Variants in SIN3A observed in about 807,000 individuals in gnomAD.
SIN3A encodes the protein SIN3 transcription regulator family member A.
In SIN3A, 14 loss-of-function variants were observed where a neutral mutation model predicts 146.1. The observed-to-expected ratio is 0.10, with a 90% confidence interval of 0.06 to 0.15. The LOEUF (loss-of-function observed/expected upper bound fraction) is 0.15. Among genes scored for constraint, SIN3A ranks in the 10% least tolerant of loss-of-function variants. The probability of loss-of-function intolerance (pLI) is 1.00; values close to 1 mark genes in which losing one functional copy is unlikely to be tolerated. For synonymous variants in SIN3A, 572 were observed against 572.0 expected (o/e 1.00, Z 0.00); for missense variants, 1,028 against 1,576.0 (o/e 0.65, Z 5.89).
In SIN3A at chr15:75,400,760, C is replaced by T. The variant is rs184321576; in HGVS notation, c.1707G>A (p.Lys569=). The change falls in exon 11 of 21, where the codon AAG becomes AAA. Residue 569 remains lysine (K), a synonymous_variant. Coordinates refer to ENST00000394947, the MANE Select transcript of SIN3A (RefSeq NM_001145358.2). The part of the protein sequence containing the change: ...RALPKSYQQP[K]CTGRTPLCKE... ...TACAGAGAGGAGTCCGTCCTGTACA[C>T]TTGGGCTGCTGGTAACTCTTTGGTA... 3.3e-5 allele frequency: 54 copies of T among 1,614,048 alleles called. 1 individual carries two copies. In the East Asian group the frequency reaches 8.0e-4, roughly 24 times the overall value.
At chr15:75,383,271 T>TAA (rs79340346) in intron 17 of SIN3A, among the ~76,000 whole-genome samples, 58 of 129,146 alleles carry the variant, frequency 4.5e-4, no homozygotes, top group African/African-American at 1.3e-3. Context: ...GTCCCTGTCT[T>TAA]AAAAAAAAAA....
Position 75,396,198 on chromosome 15 carries a change from T to C in SIN3A, c.2093+60A>G, listed in dbSNP as rs1024959409. The C allele has an allele frequency of 1.5e-5, 17 of 1,169,800 alleles. No homozygotes were observed. The Admixed American group carries it at 3.1e-4, about 21-fold the overall frequency. 72.5% of individuals were successfully genotyped at this position (1,169,800 alleles called of 1,614,324 possible). ...GGTTGAAAATGAGAGCCTTATTTAATGAGACACTGAACCGGTAGTGAAGTA... is the reference window on the plus strand; with the variant it reads ...GGTTGAAAATGAGAGCCTTATTTAACGAGACACTGAACCGGTAGTGAAGTA... On this transcript the variant is annotated intron_variant, in intron 13 of 20. Coordinates refer to ENST00000394947, the MANE Select transcript of SIN3A (RefSeq NM_001145358.2).
intron 19 of SIN3A, chr15:75,376,298 C>A (rs1033516703): frequency 5.6e-6 from 1 of 177,424 alleles, no homozygotes; most frequent in Admixed American, 5.6e-5. Context: ...TCTTTAACTG[C>A]TGCAGAAAAA....
chr15:75,444,340 T>C (rs907315128), intron 1 of SIN3A, among the ~76,000 whole-genome samples: 6 of 151,648 alleles, frequency 4.0e-5, no homozygotes, highest in African/African-American at 9.7e-5. Flanking sequence ...ACTCGGGAGG[T>C]TGAGGCAGGA....
rs779366142 is a variant in SIN3A at position 75,396,214 on chromosome 15, T to G, written c.2093+44A>C. ...CTTATTTAATGAGACACTGAACCGG[T>G]AGTGAAGTACACTAAAGCACTAAGG... On this transcript the variant is annotated intron_variant, in intron 13 of 20. Coordinates refer to ENST00000394947, the MANE Select transcript of SIN3A (RefSeq NM_001145358.2). 4 of 1,328,460 alleles carry G rather than the reference T, an allele frequency of 3.0e-6. No individual in the cohort carries two copies. In the African/African-American group the frequency reaches 5.8e-5, roughly 19 times the overall value. The allele number at this position is 1,328,460 out of a possible 1,614,324, so 82.3% of individuals were successfully genotyped here. A position where few individuals can be genotyped will look rare whatever the true frequency, so the allele number is the denominator to read the frequency against.
At chr15:75,404,850 G>A (rs1376214763) in intron 9 of SIN3A, among the ~76,000 whole-genome samples, 2 of 152,094 alleles carry the variant, frequency 1.3e-5, no homozygotes, top group African/African-American at 4.8e-5. Context: ...GACTCCTTAA[G>A]GCAAGGCATG....
chr15:75,409,929 G>C lies in SIN3A; in HGVS notation c.1224C>G (p.Val408=). The change falls in exon 8 of 21, where the codon GTC becomes GTG. Residue 408 remains valine, a synonymous_variant. Coordinates refer to ENST00000394947, the MANE Select transcript of SIN3A (RefSeq NM_001145358.2). ...DSVRNDHGGT[V]KKPQLNNKPQ... is the part of the protein sequence containing the mutation. ...GCTTGTTGTTCAGTTGGGGCTTCTT[G>C]ACAGTGCCTCCATGATCATTTCTCA... 6.2e-7 allele frequency: 1 copy of C among 1,614,100 alleles called. No homozygotes were observed. Among genetic ancestry groups the C allele is most frequent in the Non-Finnish European group, 8.5e-7 (1 of 1,180,036 alleles).
chr15:75,380,791 T>G (rs889490276), intron 18 of SIN3A, 68 bp from the exon 19 acceptor site: 1 of 1,011,944 alleles, frequency 9.9e-7, no homozygotes, highest in Admixed American at 1.7e-5. Flanking sequence ...CATTGGGCAC[T>G]CTAGTAAATT....
intron 2 of SIN3A, among the ~76,000 whole-genome samples, chr15:75,429,063 T>C (rs1056195186): frequency 1.3e-5 from 2 of 152,222 alleles, no homozygotes; most frequent in Admixed American, 6.5e-5. Context: ...TAATCAACCA[T>C]TTATGTTATC....
intron 1 of SIN3A, among the ~76,000 whole-genome samples, chr15:75,432,228 G>A (rs974529306): frequency 3.9e-5 from 6 of 152,162 alleles, no homozygotes; most frequent in African/African-American, 1.2e-4. Context: ...AAACCTCAGC[G>A]TGTTTTGGGA....
intron 16 of SIN3A, among the ~76,000 whole-genome samples, chr15:75,389,285 A>T (rs562309210): frequency 7.0e-6 from 1 of 142,788 alleles, no homozygotes; most frequent in African/African-American, 2.7e-5. Context: ...AAACAGTGAC[A>T]CCCTGTCTCT....
intron 9 of SIN3A, among the ~76,000 whole-genome samples, chr15:75,405,957 C>T (rs1478562195): frequency 6.6e-6 from 1 of 152,162 alleles, no homozygotes; most frequent in Non-Finnish European, 1.5e-5. Context: ...TAATGATTCA[C>T]ATCAGAGCTA....
chr15:75,439,602 C>T (rs1408509627), intron 1 of SIN3A, among the ~76,000 whole-genome samples: 1 of 151,920 alleles, frequency 6.6e-6, no homozygotes, highest in Non-Finnish European at 1.5e-5. Context: ...ACCTCAGCCT[C>T]CCAAAGTGCT....
chr15:75,411,886 A>G, intron 5 of SIN3A, 143 bp from the exon 6 acceptor site: 4 of 769,548 alleles, frequency 5.2e-6, no homozygotes, highest in Non-Finnish European at 6.0e-6. Flanking sequence ...AACACAAATC[A>G]TACTGGGCAG....
intron 1 of SIN3A, among the ~76,000 whole-genome samples, chr15:75,438,555 A>G (rs2074145833): frequency 6.6e-6 from 1 of 151,906 alleles, no homozygotes; most frequent in Non-Finnish European, 1.5e-5. Context: ...TGGGCATGGT[A>G]GTGAGCACCT....
rs771596430 is a variant in SIN3A, at chr15:75,413,081, A to G, written c.474-36T>C. On this transcript the variant is annotated intron_variant, in intron 4 of 20. Transcript: ENST00000394947. ...ACAAAAAGAAAAGTGATAAACTGTAAGCTTAACAAACACCCTGTTAAGAAA... is the reference window on the plus strand; with the variant it reads ...ACAAAAAGAAAAGTGATAAACTGTAGGCTTAACAAACACCCTGTTAAGAAA... 13 of 1,560,920 alleles carry G rather than the reference A, an allele frequency of 8.3e-6. No homozygotes were observed. The East Asian group carries it at 3.1e-4, about 37-fold the overall frequency.
chr15:75,428,093 G>GT (rs1248425578), intron 2 of SIN3A, among the ~76,000 whole-genome samples: 1 of 152,130 alleles, frequency 6.6e-6, no homozygotes, highest in African/African-American at 2.4e-5. Context: ...ACAAAACAGA[G>GT]TAACAGATGA....
chr15:75,430,454 G>C, intron 1 of SIN3A, 46 bp from the exon 2 acceptor site: 1 of 1,432,210 alleles, frequency 7.0e-7, no homozygotes, highest in Non-Finnish European at 9.4e-7. Flanking sequence ...TCTCACTCCA[G>C]TATGATGTAC....
At chr15:75,440,963 C>CAA (rs1555449580) in intron 1 of SIN3A, among the ~76,000 whole-genome samples, 1 of 120,798 alleles carries the variant, frequency 8.3e-6, no homozygotes, top group African/African-American at 3.4e-5. Flanking sequence ...GCCTGGGTGA[C>CAA]AGAGCGAAGA....
Sources: allele counts gnomAD v4.1 joint callset (sites outside exome capture counted in the v4.1 genomes callset), GRCh38; gene constraint gnomAD v4.1.1; transcripts MANE v1.5; gene names NCBI Gene and HGNC (gene_info 2026-07-23, HGNC 2026-07-21).